The following CASTOR1 variants were observed in gnomAD, a reference collection of about 807,000 sequenced individuals.
CASTOR1 encodes the protein GATS protein like 3.
In CASTOR1, 18 loss-of-function variants were observed where a neutral mutation model predicts 33.7. The observed-to-expected ratio is 0.53, with a 90% CI of 0.37 to 0.79. The LOEUF is 0.79. Ranked by LOEUF, CASTOR1 falls within the 30% of genes least tolerant of loss-of-function variation. The pLI is 0.00. For missense variants in CASTOR1, 362 were observed against 446.3 expected (o/e 0.81, Z 1.70); for synonymous variants, 175 against 190.6 (o/e 0.92, Z 0.67).
Position 30,286,116 on chromosome 22 carries a change from TGATGGGC to T in CASTOR1, c.744-25_744-19del, listed in dbSNP as rs748558260. 1.7e-5 allele frequency: 26 copies of T among 1,546,240 alleles called. No individual in the cohort carries two copies. The Admixed American group carries it at 2.6e-4, about 15-fold the overall frequency. Reference sequence around the variant, plus strand: ...TGGGGAACCTGGGGAGGGAGATGGGTGATGGGCAGGGCACCCCCATCCACCCCTGCCT... The same window carrying T: ...TGGGGAACCTGGGGAGGGAGATGGGTAGGGCACCCCCATCCACCCCTGCCT... On this transcript the variant is annotated intron_variant, in intron 6 of 8. Coordinates refer to ENST00000407689, the MANE Select transcript of CASTOR1 (RefSeq NM_001037666.3).
Position 30,286,259 on chromosome 22 carries a change from C to T in CASTOR1, c.743+4G>A, listed in dbSNP as rs1929764055. 1.2e-6 allele frequency: 2 copies of T among 1,608,138 alleles called. No individual in the cohort carries two copies. Among genetic ancestry groups the T allele is most frequent in the Admixed American group, 3.3e-5 (2 of 59,960 alleles). On this transcript the variant is annotated splice_donor_region_variant and intron_variant, in intron 6 of 8. Coordinates refer to ENST00000407689, the MANE Select transcript of CASTOR1 (RefSeq NM_001037666.3). ...GGGCCCACCCGGGGTCAGGGGTCAC[C>T]TACTTTTTCTGTGTTTCAGCATCCA...
chr22:30,289,013 A>G, intron 1 of CASTOR1: 1 of 553,240 alleles, frequency 1.8e-6, no homozygotes, highest in East Asian at 3.2e-5. Context: ...GAGGGAGGAG[A>G]GGTTCACACC....
At chr22:30,286,238 C>T (rs760954094) in intron 6 of CASTOR1, 25 bp downstream of exon 6, 13 of 1,571,354 alleles carry the variant, frequency 8.3e-6, no homozygotes, top group Admixed American at 3.4e-5. Flanking sequence ...GGCCTGGGGC[C>T]CACCCGGGGT....
rs764877279 is a variant in CASTOR1, at chr22:30,286,973, A to C, written c.506-25T>G. The C allele has an allele frequency of 5.6e-6, 9 of 1,596,430 alleles. No homozygotes were observed. The South Asian group carries it at 1.0e-4, about 18-fold the overall frequency. On this transcript the variant is annotated intron_variant, in intron 4 of 8. Coordinates refer to ENST00000407689, the MANE Select transcript of CASTOR1 (RefSeq NM_001037666.3). ...CCTGCTGGAGGACAGCAGCAGGTGAAAAGGTGTCCGTGGGCTGGGGCGCCC... is the reference window on the plus strand; with the variant it reads ...CCTGCTGGAGGACAGCAGCAGGTGACAAGGTGTCCGTGGGCTGGGGCGCCC...
intron 2 of CASTOR1, 145 bp downstream of exon 2, chr22:30,288,561 G>T: frequency 1.6e-6 from 1 of 641,252 alleles, no homozygotes; most frequent in East Asian, 2.9e-5. Context: ...CACAGCCAGG[G>T]AGTGGTGGAG....
In CASTOR1 at chr22:30,286,110, G is replaced by A; in HGVS notation, c.744-12C>T. ...GGTCACTGGGGAACCTGGGGAGGGA[G>A]ATGGGTGATGGGCAGGGCACCCCCA... On this transcript the variant is annotated splice_polypyrimidine_tract_variant and intron_variant, in intron 6 of 8. Transcript: ENST00000407689. 6.4e-7 allele frequency: 1 copy of A among 1,553,552 alleles called. No homozygotes were observed. Among genetic ancestry groups the A allele is most frequent in the Non-Finnish European group, 8.7e-7 (1 of 1,146,586 alleles).
chr22:30,288,421 C>T (rs1490787083), intron 2 of CASTOR1, among the ~76,000 whole-genome samples: 1 of 152,222 alleles, frequency 6.6e-6, no homozygotes, highest in African/African-American at 2.4e-5. Flanking sequence ...AGGCCTAAGA[C>T]TGCTGAGTGC....
Position 30,287,414 on chromosome 22 carries a change from A to C in CASTOR1, c.331T>G (p.Ser111Ala). 6.2e-7 allele frequency: 1 copy of C among 1,613,416 alleles called. No homozygotes were observed. The highest frequency in any genetic ancestry group is 1.1e-5 in the South Asian group (1 of 91,082). The change falls in exon 3 of 9, where the codon TCT becomes GCT. Residue 111 changes from serine (S) to alanine (A), a missense_variant. Transcript: ENST00000407689. ...TGGTAAGTGGACAGCATCAGCACAG[A>C]CACGTGGTGCTCGGCCAGTGGCGCG... ...VIAPLAEHHV[S>A]VLMLSTYQTD... is the part of the protein sequence containing the mutation.
chr22:30,289,236 C>T, intron 1 of CASTOR1, 149 bp downstream of exon 1: 1 of 648,762 alleles, frequency 1.5e-6, no homozygotes, highest in East Asian at 3.1e-5. Context: ...GTCCCCCAGG[C>T]CGGATGGCGG....
At chr22:30,286,236 G>A (rs763835841) in intron 6 of CASTOR1, 27 bp downstream of exon 6, 1 of 1,562,660 alleles carries the variant, frequency 6.4e-7, no homozygotes, top group Admixed American at 1.7e-5. Flanking sequence ...GGGGCCTGGG[G>A]CCCACCCGGG....
In CASTOR1 at chr22:30,288,687, TC is replaced by T; in HGVS notation, c.184+18del. 1 of 1,606,918 alleles carries T rather than the reference TC, an allele frequency of 6.2e-7. No individual in the cohort carries two copies. Among genetic ancestry groups the T allele is most frequent in the South Asian group, 1.1e-5 (1 of 90,770 alleles). On this transcript the variant is annotated intron_variant, in intron 2 of 8. Transcript: ENST00000407689. ...CGACAAGCCCCTCCCGTACTCCCGT[TC>T]CCCAGACCAACCCCCACCTTTAAAG...
In CASTOR1 at chr22:30,285,268, C is replaced by T. The variant is rs1043099; in HGVS notation, c.*352G>A. ...CCACCAGAGGCAGAACGGAGGTCAG[C>T]GGGGCAGCTGGCCCAGGAAGCCTTT... On this transcript the variant is annotated 3_prime_UTR_variant, in exon 9 of 9. Coordinates refer to ENST00000407689, the MANE Select transcript of CASTOR1 (RefSeq NM_001037666.3). 63 of 204,856 alleles carry T rather than the reference C, an allele frequency of 3.1e-4. 3 individuals are homozygous for T. The South Asian group carries it at 7.3e-3, about 24-fold the overall frequency. 12.7% of individuals were successfully genotyped at this position (204,856 alleles called of 1,614,324 possible).
Position 30,286,381 on chromosome 22 carries a change from G to A in CASTOR1, c.630-5C>T. The A allele has an allele frequency of 6.3e-7, 1 of 1,592,156 alleles. No homozygotes were observed. Among genetic ancestry groups the A allele is most frequent in the East Asian group, 2.2e-5 (1 of 44,758 alleles). ...GAGGCTGCCTCCTTGGGGGTGCTGGGGAGGGATGGGAGGTTTAGGGGCTCT... is the reference window on the plus strand; with the variant it reads ...GAGGCTGCCTCCTTGGGGGTGCTGGAGAGGGATGGGAGGTTTAGGGGCTCT... On this transcript the variant is annotated splice_polypyrimidine_tract_variant and splice_region_variant and intron_variant, in intron 5 of 8. Transcript: ENST00000407689.
chr22:30,288,675 C>T (rs765189211), intron 2 of CASTOR1, 31 bp downstream of exon 2: 40 of 1,579,142 alleles, frequency 2.5e-5, no homozygotes, highest in South Asian at 1.4e-4. Flanking sequence ...CAAGCCCCTC[C>T]CGTACTCCCG....
intron 1 of CASTOR1, 153 bp downstream of exon 1, chr22:30,289,232 C>CA (rs1929869441): frequency 4.7e-6 from 3 of 640,472 alleles, no homozygotes; most frequent in East Asian, 6.1e-5. Context: ...GGCGGTCCCC[C>CA]AGGCCGGATG....
intron 5 of CASTOR1, 84 bp from the exon 6 acceptor site, chr22:30,286,460 A>C: frequency 1.0e-6 from 1 of 962,748 alleles, no homozygotes; most frequent in Middle Eastern, 2.2e-4. Context: ...GAACCCTGGG[A>C]AGGAGCTGGT....
intron 1 of CASTOR1, chr22:30,288,995 C>T (rs1357642201): frequency 7.2e-6 from 4 of 557,896 alleles, no homozygotes; most frequent in Non-Finnish European, 1.3e-5. Flanking sequence ...TCCACCCCTC[C>T]ACTCCTGGAG....
chr22:30,288,651 G>A (rs2145754669), intron 2 of CASTOR1, 55 bp downstream of exon 2: 1 of 1,472,008 alleles, frequency 6.8e-7, no homozygotes, highest in East Asian at 2.3e-5. Flanking sequence ...GAACCCTACA[G>A]AAGGGGAGCA....
intron 5 of CASTOR1, 52 bp from the exon 6 acceptor site, chr22:30,286,428 C>T: frequency 8.0e-7 from 1 of 1,244,038 alleles, no homozygotes. Flanking sequence ...AGCCTACTGC[C>T]CCTGCTCCCG....
Sources: allele counts gnomAD v4.1 joint callset (sites outside exome capture counted in the v4.1 genomes callset), GRCh38; gene constraint gnomAD v4.1.1; transcripts MANE v1.5; gene names NCBI Gene and HGNC (gene_info 2026-07-23, HGNC 2026-07-21).